Variants in WFDC1 observed in about 807,000 individuals in gnomAD.
The protein encoded by WFDC1 is WAP four-disulfide core domain 1.
In WFDC1, 39 loss-of-function variants were observed where a neutral mutation model predicts 32.9. The ratio of observed to expected loss-of-function variants is 1.19; its 90% CI spans 0.92 to 1.55. The LOEUF (loss-of-function observed/expected upper bound fraction) is 1.55, where lower values mean the gene tolerates loss of function less well. WFDC1 is among the 40% of genes most tolerant of loss of function. The probability of loss-of-function intolerance (pLI) is 0.00; values close to 1 mark genes in which losing one functional copy is unlikely to be tolerated. For missense variants in WFDC1, 386 were observed against 309.5 expected, an observed-to-expected ratio of 1.25 and a Z score of -1.85; for synonymous variants, 184 against 137.4, an observed-to-expected ratio of 1.34 and a Z score of -2.37.
In WFDC1 at chr16:84,326,848, C is replaced by T. The variant is rs574266252; in HGVS notation, c.605-34C>T. 3 of 1,613,422 alleles carry T rather than the reference C, an allele frequency of 1.9e-6. No individual in the cohort carries two copies. In the African/African-American group the frequency reaches 4.0e-5, roughly 22 times the overall value. On this transcript the variant is annotated intron_variant, in intron 5 of 6. Transcript: ENST00000219454. ...GGGGGCATTAGAGCAGGAATAGATA[C>T]ATCTACCCCAACAGAGCTGTGTTCT...
Position 84,307,791 on chromosome 16 carries a change from G to A in WFDC1, c.145-5170G>A, listed in dbSNP as rs565706987. Among the ~76,000 whole-genome samples the A allele has an allele frequency of 8.2e-4, 125 of 152,258 alleles. 3 individuals carry two copies. The South Asian group carries it at 0.016, about 20-fold the overall frequency. On this transcript the variant is annotated intron_variant, in intron 1 of 6. Transcript: ENST00000219454. The stretch of plus-strand genomic sequence containing the variant: ...ATGTTAGATTAGGATTAAAAATTGC[G>A]GACCCCAACATGGGTCCAATGTAGT...
At chr16:84,308,550 C>G (rs891980452) in intron 1 of WFDC1, among the ~76,000 whole-genome samples, 2 of 152,228 alleles carry the variant, frequency 1.3e-5, no homozygotes, top group Non-Finnish European at 2.9e-5. Flanking sequence ...CCAATTGAAG[C>G]TGATGGGAGG....
chr16:84,322,674 T>C (rs1227653614), intron 4 of WFDC1, among the ~76,000 whole-genome samples: 2 of 152,212 alleles, frequency 1.3e-5, no homozygotes, highest in Non-Finnish European at 2.9e-5. Context: ...GTACCAATAG[T>C]CCTTCAAGTT....
intron 2 of WFDC1, chr16:84,317,293 A>AAAATAAATAAATAAATAAAT (rs57299684): frequency 6.9e-6 from 1 of 143,980 alleles, no homozygotes; most frequent in African/African-American, 2.6e-5. Context: ...ACTCTGTCTC[A>AAAATAAATAAATAAATAAAT]AAATAAATAA....
At chr16:84,305,783 C>T (rs926784962) in intron 1 of WFDC1, among the ~76,000 whole-genome samples, 12 of 151,606 alleles carry the variant, frequency 7.9e-5, no homozygotes, top group Non-Finnish European at 1.8e-4. Flanking sequence ...AGGCAGATCA[C>T]CTGAGCTCAG....
Position 84,295,080 on chromosome 16 carries a change from C to T in WFDC1, c.109C>T (p.Arg37Trp), listed in dbSNP as rs762831200. The T allele has an allele frequency of 3.0e-5, 48 of 1,614,060 alleles. No homozygotes were observed. The highest frequency in any genetic ancestry group is 8.0e-5 in the African/African-American group (6 of 74,946). ...CGGCTCTGCCAAGAATATCTGGAAA[C>T]GGGCATTGCCTGCGAGGCTGGCCGA... ...HAGSAKNIWK[R>W]ALPARLAEKS... The change falls in exon 1 of 7, where the codon CGG becomes TGG. Residue 37 changes from arginine (R) to tryptophan (W), a missense_variant. By Grantham distance (101) the Arg-to-Trp change is moderately radical. Coordinates refer to ENST00000219454, the MANE Select transcript of WFDC1 (RefSeq NM_021197.4).
intron 2 of WFDC1, chr16:84,317,450 A>C (rs918806027): frequency 1.3e-5 from 2 of 152,204 alleles, no homozygotes; most frequent in African/African-American, 4.8e-5. Flanking sequence ...TCATCCAGGC[A>C]GGAGGCACTC....
chr16:84,308,650 C>T (rs935675757), intron 1 of WFDC1, among the ~76,000 whole-genome samples: 1 of 150,972 alleles, frequency 6.6e-6, no homozygotes, highest in Non-Finnish European at 1.5e-5. Flanking sequence ...CCTGGGTGTA[C>T]ACTCCATCCT....
At chr16:84,327,232 C>A (rs992448681) in intron 6 of WFDC1, 8 of 386,802 alleles carry the variant, frequency 2.1e-5, no homozygotes, top group African/African-American at 1.6e-4. Flanking sequence ...ACTCTGTCAC[C>A]CAGGCTGGAG....
chr16:84,306,010 TAATA>T (rs1567653518), intron 1 of WFDC1, among the ~76,000 whole-genome samples: 2 of 40,786 alleles, frequency 4.9e-5, no homozygotes, highest in African/African-American at 3.2e-4. Context: ...CTCAAAATAA[TAATA>T]ATAATAATAA....
intron 1 of WFDC1, among the ~76,000 whole-genome samples, chr16:84,297,717 G>A (rs1433525617): frequency 1.3e-5 from 2 of 151,938 alleles, no homozygotes; most frequent in Non-Finnish European, 2.9e-5. Flanking sequence ...GGGAGGGCTG[G>A]GAAGAGCACC....
At chr16:84,304,413 G>C (rs956287832) in intron 1 of WFDC1, among the ~76,000 whole-genome samples, 1 of 152,142 alleles carries the variant, frequency 6.6e-6, no homozygotes, top group Admixed American at 6.5e-5. Flanking sequence ...ATTTTTAGTA[G>C]AGACGGGTTT....
chr16:84,327,935 C>T (rs527400079), intron 6 of WFDC1: 2 of 152,424 alleles, frequency 1.3e-5, no homozygotes, highest in East Asian at 1.9e-4. Flanking sequence ...GACGGCTACA[C>T]AAGCCAACAG....
intron 1 of WFDC1, among the ~76,000 whole-genome samples, chr16:84,309,352 G>T (rs1009463360): frequency 2.0e-5 from 3 of 152,186 alleles, no homozygotes; most frequent in Non-Finnish European, 4.4e-5. Flanking sequence ...GTGCTGGGAA[G>T]CCTCTGGGGC....
chr16:84,323,399 G>T (rs1388840425), intron 4 of WFDC1, among the ~76,000 whole-genome samples: 3 of 152,212 alleles, frequency 2.0e-5, no homozygotes, highest in Non-Finnish European at 4.4e-5. Context: ...CCACATTCAA[G>T]CATCCACATG....
intron 1 of WFDC1, among the ~76,000 whole-genome samples, chr16:84,311,177 G>A (rs1045632802): frequency 4.0e-5 from 6 of 151,830 alleles, no homozygotes; most frequent in Admixed American, 2.0e-4. Flanking sequence ...AAACTTTCTC[G>A]GTCTTACCTT....
chr16:84,329,413 C>T lies in WFDC1; in HGVS notation c.*107C>T. ...CCCTCACAGTTCACATTCAGCTCAG[C>T]AGAGCAAGACCCCAGAGATGCTTAG... On this transcript the variant is annotated 3_prime_UTR_variant, in exon 7 of 7. Coordinates refer to ENST00000219454, the MANE Select transcript of WFDC1 (RefSeq NM_021197.4). 6.6e-6 allele frequency: 1 copy of T among 152,174 alleles called. No individual in the cohort carries two copies. The highest frequency in any genetic ancestry group is 1.9e-4 in the East Asian group (1 of 5,200). The allele number at this position is 152,174 out of a possible 1,614,324, so 9.4% of individuals were successfully genotyped here.
chr16:84,318,631 T>A (rs950789132), intron 3 of WFDC1: 16 of 357,804 alleles, frequency 4.5e-5, no homozygotes, highest in African/African-American at 3.1e-4. Flanking sequence ...GGGCTTAGGG[T>A]TGGTTTTCAA....
chr16:84,306,099 G>A (rs539451600), intron 1 of WFDC1, among the ~76,000 whole-genome samples: 24 of 152,150 alleles, frequency 1.6e-4, no homozygotes, highest in South Asian at 1.2e-3. Context: ...GTGCTGAGCC[G>A]AGCACACGCA....
Sources: allele counts gnomAD v4.1 joint callset (sites outside exome capture counted in the v4.1 genomes callset), GRCh38; gene constraint gnomAD v4.1.1; transcripts MANE v1.5; gene names NCBI Gene and HGNC (gene_info 2026-07-23, HGNC 2026-07-21).